Variants in CACNA2D1 observed in about 807,000 individuals in gnomAD.
CACNA2D1 encodes voltage-dependent calcium channel subunit alpha-2/delta-1.
A neutral mutation model predicts 171.5 loss-of-function variants in CACNA2D1; 53 were observed. The ratio of observed to expected loss-of-function variants is 0.31; its 90% CI spans 0.25 to 0.39. CACNA2D1 has a LOEUF of 0.39. Among genes scored for constraint, CACNA2D1 ranks in the 10% least tolerant of loss-of-function variants. The pLI is 1.00. For synonymous variants in CACNA2D1, 442 were observed against 443.1 expected, an observed-to-expected ratio of 1.00 and a Z score of 0.03; for missense variants, 903 against 1,299.8, an observed-to-expected ratio of 0.69 and a Z score of 4.69.
chr7:82,198,024 G>A (rs1484733466), intron 3 of CACNA2D1, among the ~76,000 whole-genome samples: 1 of 152,074 alleles, frequency 6.6e-6, no homozygotes, highest in Non-Finnish European at 1.5e-5. Flanking sequence ...GGTACAGAGA[G>A]AGGAATCCCA....
intron 3 of CACNA2D1, among the ~76,000 whole-genome samples, chr7:82,279,080 T>C (rs1809738547): frequency 6.6e-6 from 1 of 152,184 alleles, no homozygotes; most frequent in African/African-American, 2.4e-5. Context: ...GTGCCAAGGT[T>C]TTCTCTTCCA....
intron 3 of CACNA2D1, among the ~76,000 whole-genome samples, chr7:82,178,364 C>T (rs1374217431): frequency 6.6e-6 from 1 of 152,130 alleles, no homozygotes; most frequent in Non-Finnish European, 1.5e-5. Context: ...CTCCTTTTAG[C>T]AGTATGAAAA....
At chr7:82,304,188 T>C (rs1363507858) in intron 3 of CACNA2D1, among the ~76,000 whole-genome samples, 1 of 151,930 alleles carries the variant, frequency 6.6e-6, no homozygotes, top group Admixed American at 6.6e-5. Flanking sequence ...AAGGACAAAA[T>C]GTAATAGATG....
chr7:82,222,585 T>C (rs1438995735), intron 3 of CACNA2D1, among the ~76,000 whole-genome samples: 2 of 152,148 alleles, frequency 1.3e-5, no homozygotes, highest in African/African-American at 4.8e-5. Context: ...CACGAATGCT[T>C]TCTCCTCTTC....
chr7:82,063,182 T>G (rs1273736763), intron 9 of CACNA2D1, among the ~76,000 whole-genome samples: 1 of 152,192 alleles, frequency 6.6e-6, no homozygotes, highest in Admixed American at 6.6e-5. Context: ...GGGATATAAA[T>G]TTGGCTTCTA....
chr7:82,135,113 G>T (rs985286598), intron 5 of CACNA2D1, among the ~76,000 whole-genome samples: 1 of 151,906 alleles, frequency 6.6e-6, no homozygotes, highest in Admixed American at 6.6e-5. Flanking sequence ...TGCAGTATTG[G>T]TTTCATTATC....
Position 82,443,595 on chromosome 7 carries a change from G to A in CACNA2D1, c.-136C>T. On this transcript the variant is annotated 5_prime_UTR_variant, in exon 1 of 39. Transcript: ENST00000356860. ...GGAGGGCTGGCTGCGCCCGGGGCCC[G>A]AGGCGCGGAGCCGCGCGGGGGACGG... 6.4e-6 allele frequency: 9 copies of A among 1,413,052 alleles called. No individual in the cohort carries two copies. In the South Asian group the frequency reaches 1.1e-4, roughly 17 times the overall value. 87.5% of individuals were successfully genotyped at this position (1,413,052 alleles called of 1,614,324 possible).
chr7:82,066,319 T>C (rs1028497768), intron 8 of CACNA2D1, 136 bp downstream of exon 8: 1 of 1,189,802 alleles, frequency 8.4e-7, no homozygotes, highest in Admixed American at 2.5e-5. Context: ...TTTACCTATA[T>C]TTACTTATTT....
At chr7:82,118,974 C>T (rs1789401324) in intron 5 of CACNA2D1, among the ~76,000 whole-genome samples, 1 of 152,008 alleles carries the variant, frequency 6.6e-6, no homozygotes, top group African/African-American at 2.4e-5. Flanking sequence ...GTTCCTTATA[C>T]CATCATACTC....
intron 4 of CACNA2D1, among the ~76,000 whole-genome samples, chr7:82,166,230 C>G (rs967340515): frequency 6.6e-6 from 1 of 151,902 alleles, no homozygotes; most frequent in African/African-American, 2.4e-5. Context: ...AAAATTAAAG[C>G]TATAACTGGA....
At chr7:82,358,538 G>C (rs1267498111) in intron 1 of CACNA2D1, among the ~76,000 whole-genome samples, 1 of 152,074 alleles carries the variant, frequency 6.6e-6, no homozygotes, top group Admixed American at 6.5e-5. Context: ...TTTGACTAGA[G>C]TAATCCTGTA....
chr7:82,154,016 AATC>A (rs1398721293), intron 4 of CACNA2D1, among the ~76,000 whole-genome samples: 1 of 152,198 alleles, frequency 6.6e-6, no homozygotes, highest in Non-Finnish European at 1.5e-5. Flanking sequence ...GAGAAAAGGA[AATC>A]ATGATCACTA....
At position 81,965,470 on chromosome 7, in the gene CACNA2D1, C is replaced by T. The variant is rs951892175; in HGVS notation, c.2574+124G>A. The stretch of plus-strand genomic sequence containing the variant: ...GGTTTACATAACATTAAGCATTTTA[C>T]AAATTATTGTATGACAGAAATAAAA... On this transcript the variant is annotated intron_variant, in intron 32 of 38. Coordinates refer to ENST00000356860, the MANE Select transcript of CACNA2D1 (RefSeq NM_000722.4). The T allele has an allele frequency of 8.4e-6, 6 of 717,362 alleles. No individual in the cohort carries two copies. In the African/African-American group the frequency reaches 8.8e-5, roughly 11 times the overall value. The allele number at this position is 717,362 out of a possible 1,614,324, so 44.4% of individuals were successfully genotyped here.
intron 3 of CACNA2D1, among the ~76,000 whole-genome samples, chr7:82,265,850 G>A (rs1807773606): frequency 6.6e-6 from 1 of 151,966 alleles, no homozygotes; most frequent in African/African-American, 2.4e-5. Context: ...AGAACTGAGA[G>A]GCAATAAAGA....
At chr7:82,130,443 T>C (rs1790819993) in intron 5 of CACNA2D1, among the ~76,000 whole-genome samples, 1 of 152,134 alleles carries the variant, frequency 6.6e-6, no homozygotes, top group African/African-American at 2.4e-5. Context: ...ATAATGTTTA[T>C]AAATTTATAT....
chr7:82,084,532 T>C (rs1353598654), intron 7 of CACNA2D1, among the ~76,000 whole-genome samples: 1 of 152,192 alleles, frequency 6.6e-6, no homozygotes, highest in Non-Finnish European at 1.5e-5. Context: ...TACCTGCTCA[T>C]GGTCTCACAG....
intron 6 of CACNA2D1, among the ~76,000 whole-genome samples, chr7:82,114,300 AG>A (rs2129051304): frequency 6.6e-6 from 1 of 152,336 alleles, no homozygotes; most frequent in Non-Finnish European, 1.5e-5. Flanking sequence ...AACTCAGTAA[AG>A]GAAGCAAAAG....
chr7:82,099,422 C>CTTTTTTTTTTTTTTTTTTTTTTTTT (rs932080938), intron 6 of CACNA2D1, among the ~76,000 whole-genome samples: 4 of 40,290 alleles, frequency 9.9e-5, no homozygotes, highest in Admixed American at 3.1e-4. Flanking sequence ...GCAATACCTT[C>CTTTTTTTTTTTTTTTTTTTTTTTTT]TTTTTTTTTT....
At chr7:82,398,608 T>C (rs1186702086) in intron 1 of CACNA2D1, among the ~76,000 whole-genome samples, 3 of 151,568 alleles carry the variant, frequency 2.0e-5, no homozygotes, top group Non-Finnish European at 4.4e-5. Flanking sequence ...GATAGGGTCT[T>C]GCTCAGTTGT....
Sources: allele counts gnomAD v4.1 joint callset (sites outside exome capture counted in the v4.1 genomes callset), GRCh38; gene constraint gnomAD v4.1.1; transcripts MANE v1.5; gene names NCBI Gene and HGNC (gene_info 2026-07-23, HGNC 2026-07-21).